Variants in NYAP2 observed in about 807,000 individuals in gnomAD.
NYAP2 encodes neuronal tyrosine-phosphorylated phosphoinositide-3-kinase adaptor 2, also known as neuronal tyrosine-phosphorylated phosphoinositide-3-kinase adapter 2.
A neutral mutation model predicts 50.4 loss-of-function variants in NYAP2; 23 were observed. The observed-to-expected ratio is 0.46, with a 90% CI of 0.33 to 0.65. The LOEUF is 0.65. Among genes scored for constraint, NYAP2 ranks in the 30% least tolerant of loss-of-function variants. The pLI, the probability that NYAP2 is intolerant of heterozygous loss-of-function variation, is 0.02. For synonymous variants in NYAP2, 394 were observed against 365.2 expected (o/e 1.08, Z -0.90); for missense variants, 885 against 861.0 (o/e 1.03, Z -0.35).
At chr2:225,614,548 G>A (rs1398791704) in intron 5 of NYAP2, among the ~76,000 whole-genome samples, 1 of 152,080 alleles carries the variant, frequency 6.6e-6, no homozygotes, top group Non-Finnish European at 1.5e-5. Flanking sequence ...TTTTATAAAG[G>A]CATTTTATTA....
chr2:225,659,906 T>C, the NYAP2 span, among the ~76,000 whole-genome samples: 1 of 152,202 alleles, frequency 6.6e-6, no homozygotes, highest in Non-Finnish European at 1.5e-5. Flanking sequence ...AAGAGAAAAG[T>C]AGTTCAGTCA....
At chr2:225,476,658 A>G (rs530704856) in intron 3 of NYAP2, among the ~76,000 whole-genome samples, 6 of 152,308 alleles carry the variant, frequency 3.9e-5, no homozygotes, top group Admixed American at 2.6e-4. Context: ...TACTTACAGT[A>G]TTTATGGATT....
In NYAP2 at chr2:225,459,875, G is replaced by A. The variant is rs186783891; in HGVS notation, c.221+50774G>A. Among the ~76,000 whole-genome samples, 300 of 152,110 alleles carry A rather than the reference G, an allele frequency of 2.0e-3. 1 individual carries two copies. Among genetic ancestry groups the A allele is most frequent in the African/African-American group, 6.8e-3 (282 of 41,528 alleles). On this transcript the variant is annotated intron_variant, in intron 3 of 6. Transcript: ENST00000636099. ...TTTTTAGTAGAGATGGGGTTTCACC[G>A]TGTTAGCCCGGATGGTCTCGATCTC...
intron 3 of NYAP2, among the ~76,000 whole-genome samples, chr2:225,479,117 A>G (rs1474198068): frequency 6.6e-6 from 1 of 152,202 alleles, no homozygotes; most frequent in Admixed American, 6.6e-5. Context: ...GTGGGAGCCA[A>G]TGGAAAAAAC....
At chr2:225,578,965 G>T (rs962234145) in intron 4 of NYAP2, among the ~76,000 whole-genome samples, 2 of 152,088 alleles carry the variant, frequency 1.3e-5, no homozygotes, top group African/African-American at 4.8e-5. Context: ...TCTGATGAGG[G>T]CTCTCTACTT....
intron 3 of NYAP2, among the ~76,000 whole-genome samples, chr2:225,480,650 A>G (rs1344906371): frequency 6.6e-6 from 1 of 152,104 alleles, no homozygotes; most frequent in Non-Finnish European, 1.5e-5. Flanking sequence ...AGCAAGAAGG[A>G]TCTTAAAGGG....
chr2:225,457,801 G>A (rs1010464293), intron 3 of NYAP2, among the ~76,000 whole-genome samples: 1 of 152,190 alleles, frequency 6.6e-6, no homozygotes, highest in Non-Finnish European at 1.5e-5. Flanking sequence ...GAAAAAGATA[G>A]TGCTTAATGA....
chr2:225,620,399 ACACGCGCACGCACACATGCACG>A (rs1693070882), intron 5 of NYAP2, among the ~76,000 whole-genome samples: 1 of 151,240 alleles, frequency 6.6e-6, no homozygotes, highest in Admixed American at 6.6e-5. Context: ...ACGCACGCAC[ACACGCGCACGCACACATGCACG>A]CACACGCACG....
chr2:225,568,163 T>G (rs2106220021), intron 4 of NYAP2, among the ~76,000 whole-genome samples: 1 of 152,284 alleles, frequency 6.6e-6, no homozygotes. Context: ...AGACCTTAAG[T>G]GTTTTATATA....
chr2:225,622,563 C>CTTTCTTTCTT (rs1559232939), intron 5 of NYAP2, among the ~76,000 whole-genome samples: 39 of 43,726 alleles, frequency 8.9e-4, no homozygotes, highest in East Asian at 1.3e-3. Context: ...CTTTCTTTTT[C>CTTTCTTTCTT]TTTCTTTCTT....
chr2:225,399,122 T>G (rs1051153085), upstream of NYAP2, among the ~76,000 whole-genome samples: 10 of 151,996 alleles, frequency 6.6e-5, no homozygotes, highest in Admixed American at 2.0e-4. Context: ...TTACAGTGAG[T>G]TACTGAAAAA....
At chr2:225,400,255 G>A (rs1223143259) in exon 1 of NYAP2, 3 of 151,992 alleles carry the variant, frequency 2.0e-5, no homozygotes, top group East Asian at 1.9e-4. Flanking sequence ...TATTTCAGAA[G>A]GTAGGTTCTT....
chr2:225,592,526 A>G (rs1031346859), intron 5 of NYAP2, among the ~76,000 whole-genome samples: 3 of 152,206 alleles, frequency 2.0e-5, no homozygotes, highest in African/African-American at 7.2e-5. Context: ...CAATTCTTCA[A>G]GAACAAGCTG....
intron 4 of NYAP2, among the ~76,000 whole-genome samples, chr2:225,551,775 A>T (rs1574673579): frequency 6.6e-6 from 1 of 152,210 alleles, no homozygotes; most frequent in South Asian, 2.1e-4. Flanking sequence ...GCATATACAC[A>T]GTAGTTGCAA....
intron 3 of NYAP2, among the ~76,000 whole-genome samples, chr2:225,445,529 A>C (rs1230002240): frequency 1.3e-5 from 2 of 152,078 alleles, no homozygotes; most frequent in Non-Finnish European, 2.9e-5. Flanking sequence ...CTCTTAATTG[A>C]CCACTTTTTA....
At chr2:225,643,208 A>G (rs565652470) in intron 6 of NYAP2, among the ~76,000 whole-genome samples, 20 of 151,760 alleles carry the variant, frequency 1.3e-4, no homozygotes, top group African/African-American at 4.6e-4. Flanking sequence ...AACTTCCCTC[A>G]GGTCTCATGG....
exon 7 of NYAP2, chr2:225,652,408 T>G (rs1693748670): frequency 6.6e-6 from 1 of 152,176 alleles, no homozygotes; most frequent in Non-Finnish European, 1.5e-5. Flanking sequence ...AGGCATAAAC[T>G]GAAATATCAT....
chr2:225,592,555 A>G (rs1692526134), intron 5 of NYAP2, among the ~76,000 whole-genome samples: 1 of 152,230 alleles, frequency 6.6e-6, no homozygotes, highest in African/African-American at 2.4e-5. Flanking sequence ...TTATGTTTTT[A>G]AAGTGAAGGG....
chr2:225,486,305 C>G (rs1419649767), intron 3 of NYAP2, among the ~76,000 whole-genome samples: 1 of 152,180 alleles, frequency 6.6e-6, no homozygotes, highest in African/African-American at 2.4e-5. Flanking sequence ...CTCCTATGCT[C>G]CTGGCAACAG....
Sources: allele counts gnomAD v4.1 joint callset (sites outside exome capture counted in the v4.1 genomes callset), GRCh38; gene constraint gnomAD v4.1.1; transcripts MANE v1.5; gene names NCBI Gene and HGNC (gene_info 2026-07-23, HGNC 2026-07-21).